DNER: variants seen among roughly 807,000 people sequenced by gnomAD.
The protein encoded by DNER is delta and Notch-like epidermal growth factor-related receptor.
In DNER, 33 loss-of-function variants were observed where a neutral mutation model predicts 78.2. The observed-to-expected ratio is 0.42, with a 90% CI of 0.32 to 0.56. DNER has a LOEUF of 0.56. Ranked by LOEUF, DNER falls within the 20% of genes least tolerant of loss-of-function variation. The pLI, the probability that DNER is intolerant of heterozygous loss-of-function variation, is 0.11. For missense variants in DNER, 918 were observed against 975.3 expected, an observed-to-expected ratio of 0.94 and a Z score of 0.78; for synonymous variants, 417 against 384.8, an observed-to-expected ratio of 1.08 and a Z score of -0.98.
chr2:229,690,543 T>C (rs992145885), intron 1 of DNER, among the ~76,000 whole-genome samples: 2 of 152,202 alleles, frequency 1.3e-5, no homozygotes, highest in African/African-American at 4.8e-5. Flanking sequence ...TTGAGTGAAG[T>C]TGCTACACCG....
chr2:229,668,418 T>TTATATA (rs59207662), intron 1 of DNER, among the ~76,000 whole-genome samples: 25 of 132,590 alleles, frequency 1.9e-4, no homozygotes, highest in African/African-American at 6.8e-4. Flanking sequence ...AAATATTCTT[T>TTATATA]TATATATATA....
At chr2:229,359,320 C>A (rs866665360) in intron 12 of DNER, among the ~76,000 whole-genome samples, 1 of 152,154 alleles carries the variant, frequency 6.6e-6, no homozygotes, top group Non-Finnish European at 1.5e-5. Flanking sequence ...AAAATTGCCT[C>A]GACAGCAGGA....
At chr2:229,596,462 G>C (rs1323032479) in intron 1 of DNER, among the ~76,000 whole-genome samples, 1 of 152,226 alleles carries the variant, frequency 6.6e-6, no homozygotes, top group Non-Finnish European at 1.5e-5. Flanking sequence ...GGCAGGAAGA[G>C]TACAGACCCA....
chr2:229,366,801 T>A, intron 12 of DNER, 72 bp downstream of exon 12: 1 of 1,590,688 alleles, frequency 6.3e-7, no homozygotes, highest in South Asian at 1.1e-5. Flanking sequence ...GAAAGTCCTG[T>A]GTATAATATG....
rs577665493 is a variant in DNER, at chr2:229,387,559, G to T, written c.1855+706C>A. ...AGAAAGAAAGAAAGAAAGAAAGAAA[G>T]AAAGAAAGAAAAGAAAGAAGGAAGG... On this transcript the variant is annotated intron_variant, in intron 11 of 12. Transcript: ENST00000341772. Among the ~76,000 whole-genome samples the T allele has an allele frequency of 4.8e-4, 69 of 142,860 alleles. No individual in the cohort carries two copies. The South Asian group carries it at 9.1e-3, about 19-fold the overall frequency. The allele number at this position is 142,860 out of a possible 152,430, so 93.7% of individuals were successfully genotyped here.
At chr2:229,563,884 G>GTCC (rs1697031761) in intron 4 of DNER, among the ~76,000 whole-genome samples, 1 of 44,484 alleles carries the variant, frequency 2.2e-5, no homozygotes, top group African/African-American at 9.5e-5. Flanking sequence ...CACCATCATC[G>GTCC]TCATCACCCC....
intron 4 of DNER, among the ~76,000 whole-genome samples, chr2:229,551,933 A>T (rs957019168): frequency 6.6e-6 from 1 of 151,576 alleles, no homozygotes. Context: ...TCCATCTCAA[A>T]AAATAAATAA....
intron 10 of DNER, among the ~76,000 whole-genome samples, chr2:229,406,956 T>G (rs766272033): frequency 1.5e-4 from 23 of 152,196 alleles, no homozygotes; most frequent in Non-Finnish European, 2.9e-4. Flanking sequence ...ATGGCTCATT[T>G]CTCATGTTTC....
At chr2:229,553,617 G>A (rs1696791422) in intron 4 of DNER, among the ~76,000 whole-genome samples, 1 of 152,214 alleles carries the variant, frequency 6.6e-6, no homozygotes, top group Non-Finnish European at 1.5e-5. Context: ...CATGTTGGCT[G>A]CCATGCCAGC....
chr2:229,669,353 C>T (rs1018317535), intron 1 of DNER, among the ~76,000 whole-genome samples: 1 of 140,804 alleles, frequency 7.1e-6, no homozygotes, highest in African/African-American at 3.0e-5. Flanking sequence ...TATCCCAGAA[C>T]TTTTATGTAT....
chr2:229,622,868 A>C (rs1209582250), intron 1 of DNER, among the ~76,000 whole-genome samples: 2 of 152,220 alleles, frequency 1.3e-5, no homozygotes, highest in African/African-American at 2.4e-5. Flanking sequence ...CCAAAAGGAA[A>C]CAATCTTGCC....
At position 229,387,097 on chromosome 2, in the gene DNER, C is replaced by A. The variant is rs192826520; in HGVS notation, c.1855+1168G>T. ...AACCCAAATGCCCATCAATGACAGA[C>A]TGGATAAAGAAAATGTGGCACATAT... On this transcript the variant is annotated intron_variant, in intron 11 of 12. Coordinates refer to ENST00000341772, the MANE Select transcript of DNER (RefSeq NM_139072.4). Among the ~76,000 whole-genome samples, 6 of 152,218 alleles carry A rather than the reference C, an allele frequency of 3.9e-5. No homozygotes were observed. The East Asian group carries it at 1.2e-3, about 29-fold the overall frequency.
intron 5 of DNER, among the ~76,000 whole-genome samples, chr2:229,522,015 G>A (rs895185174): frequency 4.0e-5 from 6 of 151,586 alleles, no homozygotes; most frequent in African/African-American, 1.5e-4. Context: ...AAATGTTGTA[G>A]CTTATTATAA....
intron 10 of DNER, among the ~76,000 whole-genome samples, chr2:229,394,341 C>T (rs370198942): frequency 4.6e-5 from 7 of 151,836 alleles, no homozygotes; most frequent in South Asian, 2.1e-4. Flanking sequence ...TGTGGGGATC[C>T]GCCATCTTGT....
At chr2:229,388,469 A>G in intron 10 of DNER, 73 bp from the exon 11 acceptor site, 1 of 1,513,770 alleles carries the variant, frequency 6.6e-7, no homozygotes, top group Non-Finnish European at 8.9e-7. Flanking sequence ...GCCAAAAAAT[A>G]AAGATCCAAG....
At chr2:229,635,803 C>A (rs73093590) in intron 1 of DNER, among the ~76,000 whole-genome samples, 4,011 of 152,172 alleles carry the variant, frequency 0.026, 180 homozygotes, top group African/African-American at 0.092. Flanking sequence ...TTACCATGTA[C>A]TGGTAACAAA....
chr2:229,479,892 G>A (rs1395562286), intron 6 of DNER, among the ~76,000 whole-genome samples: 2 of 152,136 alleles, frequency 1.3e-5, no homozygotes, highest in Admixed American at 6.5e-5. Context: ...AAAGATAACC[G>A]ATTACAAGTG....
intron 4 of DNER, among the ~76,000 whole-genome samples, chr2:229,569,211 A>T (rs545662962): frequency 6.6e-6 from 1 of 152,318 alleles, no homozygotes; most frequent in East Asian, 1.9e-4. Flanking sequence ...ACAGATACCA[A>T]AATCTGAAGA....
intron 1 of DNER, among the ~76,000 whole-genome samples, chr2:229,705,766 G>A (rs1410310734): frequency 1.3e-5 from 2 of 152,196 alleles, no homozygotes; most frequent in Non-Finnish European, 2.9e-5. Flanking sequence ...CTGTGCCAGA[G>A]ACCTTATTAT....
Sources: gnomAD v4.1 joint callset for allele counts (sites outside exome capture counted in the v4.1 genomes callset) on GRCh38, gnomAD v4.1.1 for gene constraint, MANE v1.5 for transcripts, NCBI Gene and HGNC (gene_info 2026-07-23, HGNC 2026-07-21) for gene names.